SLC24A2: variants seen among roughly 807,000 people sequenced by gnomAD.
The protein encoded by SLC24A2 is sodium/potassium/calcium exchanger 2.
SLC24A2 carries 36 observed loss-of-function variants against 62.0 expected under a neutral mutation model. The ratio of observed to expected loss-of-function variants is 0.58; its 90% confidence interval spans 0.44 to 0.77. The LOEUF (loss-of-function observed/expected upper bound fraction) is 0.77. Ranked by LOEUF, SLC24A2 falls within the 30% of genes least tolerant of loss-of-function variation. The pLI is 0.00. For synonymous variants in SLC24A2, 358 were observed against 294.0 expected, an observed-to-expected ratio of 1.22 and a Z score of -2.23; for missense variants, 846 against 817.9, an observed-to-expected ratio of 1.03 and a Z score of -0.42.
At chr9:19,524,382 A>G (rs1833338706) in intron 9 of SLC24A2, among the ~76,000 whole-genome samples, 1 of 151,310 alleles carries the variant, frequency 6.6e-6, no homozygotes, top group Non-Finnish European at 1.5e-5. Context: ...TGCAAAAACA[A>G]TAAGAAACAA....
chr9:19,797,711 T>C, the SLC24A2 span, among the ~76,000 whole-genome samples: 1 of 152,162 alleles, frequency 6.6e-6, no homozygotes, highest in Admixed American at 6.5e-5. Context: ...ATTATTCACT[T>C]TATAGATTTT....
chr9:19,614,504 G>A (rs1817714197), intron 4 of SLC24A2, among the ~76,000 whole-genome samples: 1 of 152,174 alleles, frequency 6.6e-6, no homozygotes, highest in Admixed American at 6.5e-5. Flanking sequence ...GAAACAGACT[G>A]GATCACATCC....
At position 19,521,021 on chromosome 9, in the gene SLC24A2, G is replaced by A. The variant is rs1833172462; in HGVS notation, c.1609C>T (p.Leu537=). The A allele has an allele frequency of 1.9e-6, 3 of 1,614,078 alleles. No homozygotes were observed. The highest frequency in any genetic ancestry group is 2.5e-6 in the Non-Finnish European group (3 of 1,179,988). The change falls in exon 10 of 11, where the codon CTG becomes TTG. Residue 537 remains leucine (L), a synonymous_variant. Transcript: ENST00000341998. ...GAGGTCCCAGCAGCCAAGATGGTCA[G>A]GCCCATAATCTCTTCACTGATGCCA... is the stretch of plus-strand genomic sequence containing the variant. ...TIGISEEIMG[L]TILAAGTSIP...
chr9:19,679,676 C>A (rs1819658231), intron 2 of SLC24A2, among the ~76,000 whole-genome samples: 1 of 152,146 alleles, frequency 6.6e-6, no homozygotes, highest in African/African-American at 2.4e-5. Context: ...TTTGTCTTCT[C>A]CTGCCATTGG....
intron 10 of SLC24A2, among the ~76,000 whole-genome samples, chr9:19,516,991 A>G (rs1832962194): frequency 6.6e-6 from 1 of 152,232 alleles, no homozygotes; most frequent in Non-Finnish European, 1.5e-5. Flanking sequence ...TCTTTCTGAA[A>G]GATTTAAGGA....
At chr9:20,204,375 C>A in the SLC24A2 span, among the ~76,000 whole-genome samples, 1 of 152,324 alleles carries the variant, frequency 6.6e-6, no homozygotes, top group African/African-American at 2.4e-5. Flanking sequence ...GCCTTATAAA[C>A]AGAAGAATCT....
At chr9:20,144,841 TA>T in the SLC24A2 span, among the ~76,000 whole-genome samples, 11 of 148,988 alleles carry the variant, frequency 7.4e-5, no homozygotes, top group South Asian at 2.1e-4. Context: ...AATGTTAGTT[TA>T]AAAAAAAAAG....
intron 2 of SLC24A2, among the ~76,000 whole-genome samples, chr9:19,681,001 C>T (rs1253659064): frequency 1.3e-5 from 2 of 152,010 alleles, no homozygotes; most frequent in Non-Finnish European, 2.9e-5. Context: ...TTCATCCCAG[C>T]TTGTTCTCAA....
At chr9:19,518,711 C>A (rs563767825) in intron 10 of SLC24A2, among the ~76,000 whole-genome samples, 2 of 152,078 alleles carry the variant, frequency 1.3e-5, no homozygotes, top group Non-Finnish European at 2.9e-5. Flanking sequence ...TGAGCCACTG[C>A]GCCCTGGAGC....
the SLC24A2 span, among the ~76,000 whole-genome samples, chr9:19,893,795 C>T: frequency 1.3e-5 from 2 of 152,154 alleles, no homozygotes; most frequent in Non-Finnish European, 2.9e-5. Flanking sequence ...TCTCTCACGC[C>T]ACACAGGGTT....
At chr9:20,107,537 G>T in the SLC24A2 span, among the ~76,000 whole-genome samples, 5 of 152,042 alleles carry the variant, frequency 3.3e-5, no homozygotes, top group Non-Finnish European at 7.4e-5. Flanking sequence ...CAGAAATAAT[G>T]CCGCATATCT....
chr9:19,679,149 C>T (rs1819640766), intron 2 of SLC24A2, among the ~76,000 whole-genome samples: 2 of 152,130 alleles, frequency 1.3e-5, no homozygotes, highest in South Asian at 4.1e-4. Flanking sequence ...TATTATAGGC[C>T]AGCTTGTGGC....
the SLC24A2 span, among the ~76,000 whole-genome samples, chr9:20,065,451 A>G: frequency 6.6e-5 from 10 of 152,216 alleles, no homozygotes; most frequent in African/African-American, 2.2e-4. Context: ...GACTGGACAG[A>G]GGAATGGAGA....
intron 4 of SLC24A2, among the ~76,000 whole-genome samples, chr9:19,598,329 C>T (rs1292437383): frequency 6.6e-6 from 1 of 152,124 alleles, no homozygotes; most frequent in Non-Finnish European, 1.5e-5. Context: ...GCTGGGAATC[C>T]TCATATGAAT....
chr9:19,794,019 T>G (rs1445131302), upstream of SLC24A2, among the ~76,000 whole-genome samples: 1 of 152,226 alleles, frequency 6.6e-6, no homozygotes, highest in East Asian at 1.9e-4. Flanking sequence ...TCTGGTGGCT[T>G]TCCTTTTCAG....
chr9:19,973,720 T>G, the SLC24A2 span, among the ~76,000 whole-genome samples: 1 of 152,216 alleles, frequency 6.6e-6, no homozygotes, highest in Non-Finnish European at 1.5e-5. Flanking sequence ...ACCAGATACC[T>G]CCAAACCAGA....
At chr9:19,546,003 C>A (rs564667357) in intron 8 of SLC24A2, among the ~76,000 whole-genome samples, 1 of 152,210 alleles carries the variant, frequency 6.6e-6, no homozygotes, top group Admixed American at 6.5e-5. Flanking sequence ...CCACTCCAGA[C>A]CCTGTTTGCC....
At chr9:20,067,598 C>G in the SLC24A2 span, among the ~76,000 whole-genome samples, 6 of 152,142 alleles carry the variant, frequency 3.9e-5, no homozygotes, top group African/African-American at 1.4e-4. Flanking sequence ...CAGGTGTACT[C>G]AATGTTTAGC....
intron 9 of SLC24A2, among the ~76,000 whole-genome samples, chr9:19,522,531 G>A (rs1254275077): frequency 6.6e-6 from 1 of 152,158 alleles, no homozygotes; most frequent in Non-Finnish European, 1.5e-5. Flanking sequence ...ATAAGAAATA[G>A]TATGATTCCT....
Sources: allele counts gnomAD v4.1 joint callset (sites outside exome capture counted in the v4.1 genomes callset), GRCh38; gene constraint gnomAD v4.1.1; transcripts MANE v1.5; gene names NCBI Gene and HGNC (gene_info 2026-07-23, HGNC 2026-07-21).